The following PRRX2 variants were observed in gnomAD, a reference collection of about 807,000 sequenced individuals.
PRRX2 encodes paired related homeobox 2.
Under a neutral mutation model 18.0 loss-of-function variants are expected in PRRX2, and 11 were observed. The observed-to-expected ratio is 0.61, with a 90% confidence interval of 0.39 to 1.01. PRRX2 has a LOEUF of 1.01. Ranked by LOEUF, PRRX2 falls within the 50% of genes least tolerant of loss-of-function variation. PRRX2 has a pLI of 0.01. For missense variants in PRRX2, 387 were observed against 351.0 expected, an observed-to-expected ratio of 1.10 and a Z score of -0.82; for synonymous variants, 177 against 154.8, an observed-to-expected ratio of 1.14 and a Z score of -1.06.
chr9:129,700,334 G>GTTGTTGGCTTTTTTTTTT (rs1210910915), intron 1 of PRRX2, among the ~76,000 whole-genome samples: 7 of 141,326 alleles, frequency 5.0e-5, no homozygotes, highest in Non-Finnish European at 6.0e-5. Context: ...GTTTGTTGTT[G>GTTGTTGGCTTTTTTTTTT]TTGTTGGCTT....
rs1183213708 is a variant in PRRX2, at chr9:129,665,983, C to T, written c.116C>T (p.Ser39Leu). ...TGCGCCCAGGCGCGCAAGAACTTCT[C>T]GGTGAGCCACCTCCTGGACCTGGAA... ...GDCAQARKNF[S>L]VSHLLDLEEV... The change falls in exon 1 of 4, where the codon TCG becomes TTG. Residue 39 changes from serine to leucine, a missense_variant. By Grantham distance (145) the Ser-to-Leu change is moderately radical (BLOSUM62 -2). Coordinates refer to ENST00000372469, the MANE Select transcript of PRRX2 (RefSeq NM_016307.4). This position sits in a 1 kb window ranked among gnomAD's most constrained non-coding sequence, Gnocchi z 5.3. 10 of 1,138,182 alleles carry T rather than the reference C, an allele frequency of 8.8e-6. No individual in the cohort carries two copies. The highest frequency in any genetic ancestry group is 9.8e-6 in the Non-Finnish European group (9 of 921,946). 70.5% of individuals were successfully genotyped at this position (1,138,182 alleles called of 1,614,324 possible).
chr9:129,695,373 CAAAG>C lies in PRRX2; in HGVS notation c.260-23856_260-23853del, dbSNP rs774193717. On this transcript the variant is annotated intron_variant, in intron 1 of 3. Transcript: ENST00000372469. The surrounding 1 kb of genome is among the most constrained non-coding windows in gnomAD (Gnocchi z 4.8). ...TTAGCCCCAGAGGAAACTGTCTTTT[CAAAG>C]AGAGAGGCTGCGGAAATGGCAGATG... Among the ~76,000 whole-genome samples, 17 of 152,244 alleles carry C rather than the reference CAAAG, an allele frequency of 1.1e-4. No individual in the cohort carries two copies. Among genetic ancestry groups the C allele is most frequent in the Non-Finnish European group, 2.1e-4 (14 of 68,034 alleles).
chr9:129,665,772 G>C lies in PRRX2; in HGVS notation c.-96G>C, dbSNP rs973138059. The C allele has an allele frequency of 1.0e-5, 9 of 899,804 alleles. No homozygotes were observed. Among genetic ancestry groups the C allele is most frequent in the African/African-American group, 1.8e-5 (1 of 55,398 alleles). The allele number at this position is 899,804 out of a possible 1,614,324, so 55.7% of individuals were successfully genotyped here. On this transcript the variant is annotated 5_prime_UTR_variant, in exon 1 of 4. Transcript: ENST00000372469. The surrounding 1 kb of genome is among the most constrained non-coding windows in gnomAD (Gnocchi z 5.3). ...AGGCGGCGGGAGCTGGGCAGAGCGC[G>C]GGGCGGCCGGGGCTCTCGCTCCGAC...
intron 1 of PRRX2, among the ~76,000 whole-genome samples, chr9:129,679,858 G>A (rs577884053): frequency 1.3e-5 from 2 of 152,264 alleles, no homozygotes; most frequent in Admixed American, 1.3e-4. Context: ...CACCCCTCCA[G>A]GGCCTCCGTT....
At chr9:129,668,884 C>T (rs1438618002) in intron 1 of PRRX2, among the ~76,000 whole-genome samples, 1 of 151,356 alleles carries the variant, frequency 6.6e-6, no homozygotes, top group Non-Finnish European at 1.5e-5. Flanking sequence ...TGCAGTGGCT[C>T]ACACCTGTAA....
rs752162213 is a variant in PRRX2, at chr9:129,711,264, G to GC, written c.260-7966dup. On this transcript the variant is annotated intron_variant, in intron 1 of 3. Coordinates refer to ENST00000372469, the MANE Select transcript of PRRX2 (RefSeq NM_016307.4). ...AGCTCTGGTCTTTCCTGGTCATGTGGCATCAGTATGTCATTTAACTCTCTG... is the reference window on the plus strand; with the variant it reads ...AGCTCTGGTCTTTCCTGGTCATGTGGCCATCAGTATGTCATTTAACTCTCTG... Among the ~76,000 whole-genome samples, 10 of 152,140 alleles carry GC rather than the reference G, an allele frequency of 6.6e-5. No individual in the cohort carries two copies. The East Asian group carries it at 1.9e-3, about 29-fold the overall frequency.
intron 1 of PRRX2, among the ~76,000 whole-genome samples, chr9:129,716,461 T>C (rs1349584284): frequency 6.6e-6 from 1 of 151,588 alleles, no homozygotes; most frequent in Non-Finnish European, 1.5e-5. Flanking sequence ...TTTCTTTTTT[T>C]TTTTTTTTTT....
At chr9:129,698,970 C>T (rs187278178) in intron 1 of PRRX2, among the ~76,000 whole-genome samples, 1 of 152,350 alleles carries the variant, frequency 6.6e-6, no homozygotes, top group Non-Finnish European at 1.5e-5. Flanking sequence ...TCAGGATAGC[C>T]TGACTGTCCC....
intron 1 of PRRX2, among the ~76,000 whole-genome samples, chr9:129,705,934 C>T (rs897946221): frequency 6.6e-6 from 1 of 151,838 alleles, no homozygotes; most frequent in Non-Finnish European, 1.5e-5. Flanking sequence ...CCCAGAGGCC[C>T]CTGACCTCTT....
intron 1 of PRRX2, among the ~76,000 whole-genome samples, chr9:129,711,164 C>T (rs898424203): frequency 1.3e-5 from 2 of 152,122 alleles, no homozygotes; most frequent in East Asian, 1.9e-4. Context: ...CTTCCCATGC[C>T]GAGGTGACTC....
chr9:129,714,953 C>T (rs1489956325), intron 1 of PRRX2, among the ~76,000 whole-genome samples: 3 of 152,114 alleles, frequency 2.0e-5, no homozygotes, highest in South Asian at 2.1e-4. Flanking sequence ...CAGTTTTCAG[C>T]GCAAGGGCTC....
chr9:129,675,749 C>T lies in PRRX2; in HGVS notation c.259+9623C>T, dbSNP rs1310301195. Among the ~76,000 whole-genome samples, 2 of 152,206 alleles carry T rather than the reference C, an allele frequency of 1.3e-5. No individual in the cohort carries two copies. The highest frequency in any genetic ancestry group is 1.5e-5 in the Non-Finnish European group (1 of 68,024). On this transcript the variant is annotated intron_variant, in intron 1 of 3. Coordinates refer to ENST00000372469, the MANE Select transcript of PRRX2 (RefSeq NM_016307.4). The surrounding 1 kb of genome is among the most constrained non-coding windows in gnomAD (Gnocchi z 4.4). ...CATTTAACCAGAGCTGGAATTACCA[C>T]GCGGATGGCTGCAAACCTCGGAATC...
intron 1 of PRRX2, among the ~76,000 whole-genome samples, chr9:129,718,191 G>A (rs1261293854): frequency 1.3e-5 from 2 of 152,088 alleles, no homozygotes; most frequent in African/African-American, 2.4e-5. Flanking sequence ...ACCACCCTCG[G>A]TCAGGTCCCC....
intron 1 of PRRX2, among the ~76,000 whole-genome samples, chr9:129,677,755 C>T (rs189212434): frequency 1.3e-5 from 2 of 152,380 alleles, no homozygotes; most frequent in Non-Finnish European, 2.9e-5. Flanking sequence ...CCCACCACCA[C>T]ATCCCTGCGG....
At chr9:129,704,836 C>G (rs1832538188) in intron 1 of PRRX2, among the ~76,000 whole-genome samples, 1 of 152,158 alleles carries the variant, frequency 6.6e-6, no homozygotes, top group Non-Finnish European at 1.5e-5. Context: ...TGCCTGGGCC[C>G]CAGCCCTCAC....
In PRRX2 at chr9:129,714,987, C is replaced by T. The variant is rs536961391; in HGVS notation, c.260-4244C>T. On this transcript the variant is annotated intron_variant, in intron 1 of 3. Transcript: ENST00000372469. ...TCTTGTTTCGGTTTAAAGTTTCTTC[C>T]TCATCGAGGTGGTGGGGGTGGAAAG... 4.6e-5 allele frequency among the ~76,000 whole-genome samples: 7 copies of T among 152,242 alleles called. No individual in the cohort carries two copies. In the South Asian group the frequency reaches 1.2e-3, roughly 27 times the overall value.
Position 129,665,755 on chromosome 9 carries a change from G to T in PRRX2, c.-113G>T. On this transcript the variant is annotated 5_prime_UTR_variant, in exon 1 of 4. Coordinates refer to ENST00000372469, the MANE Select transcript of PRRX2 (RefSeq NM_016307.4). The surrounding 1 kb of genome is among the most constrained non-coding windows in gnomAD (Gnocchi z 5.3). ...CGGGCCGCGAGGCTAGGAGGCGGCGGGAGCTGGGCAGAGCGCGGGGCGGCC... is the reference window on the plus strand; with the variant it reads ...CGGGCCGCGAGGCTAGGAGGCGGCGTGAGCTGGGCAGAGCGCGGGGCGGCC... The T allele has an allele frequency of 1.3e-6, 1 of 798,484 alleles. No homozygotes were observed. Among genetic ancestry groups the T allele is most frequent in the Non-Finnish European group, 1.5e-6 (1 of 656,150 alleles). The allele number at this position is 798,484 out of a possible 1,614,324, so 49.5% of individuals were successfully genotyped here.
chr9:129,680,496 G>A (rs1282356695), intron 1 of PRRX2, among the ~76,000 whole-genome samples: 1 of 118,828 alleles, frequency 8.4e-6, no homozygotes, highest in Non-Finnish European at 1.7e-5. Flanking sequence ...AGACACCTGG[G>A]AGGAGGGGCA....
chr9:129,674,493 C>T (rs1832140267), intron 1 of PRRX2, among the ~76,000 whole-genome samples: 1 of 152,002 alleles, frequency 6.6e-6, no homozygotes, highest in Non-Finnish European at 1.5e-5. Flanking sequence ...GGATTGGGGA[C>T]CGGGCAACAG....
Sources: gnomAD v4.1 joint callset for allele counts (sites outside exome capture counted in the v4.1 genomes callset) on GRCh38, gnomAD v4.1.1 for gene constraint, Gnocchi (gnomAD v3.1) non-coding constraint, MANE v1.5 for transcripts, NCBI Gene and HGNC (gene_info 2026-07-23, HGNC 2026-07-21) for gene names.